Variants in PCDHA13 observed in about 807,000 individuals in gnomAD.
PCDHA13 encodes protocadherin alpha 13.
In PCDHA13, 54 loss-of-function variants were observed where a neutral mutation model predicts 64.8. The ratio of observed to expected loss-of-function variants is 0.83; its 90% CI spans 0.67 to 1.04. The LOEUF is 1.04. PCDHA13 is among the 50% of genes least tolerant of loss of function. The pLI, the probability that PCDHA13 is intolerant of heterozygous loss-of-function variation, is 0.00. For synonymous variants in PCDHA13, 587 were observed against 564.4 expected (o/e 1.04, Z -0.57); for missense variants, 1,248 against 1,254.3 (o/e 0.99, Z 0.08).
chr5:140,933,377 C>A lies in PCDHA13; in HGVS notation c.2395-45572C>A, dbSNP rs910236493. Among the ~76,000 whole-genome samples the A allele has an allele frequency of 3.9e-5, 6 of 151,980 alleles. No homozygotes were observed. In the South Asian group the frequency reaches 1.2e-3, roughly 31 times the overall value. On this transcript the variant is annotated intron_variant, in intron 1 of 3. Transcript: ENST00000289272. ...TTCTAACCCATCCCAAATTCCTTGG[C>A]TGTTCCTAGAGCCATCTGGTTACCA...
chr5:140,968,295 A>G lies in PCDHA13; in HGVS notation c.2395-10654A>G, dbSNP rs782722853. 4 of 1,613,916 alleles carry G rather than the reference A, an allele frequency of 2.5e-6. No homozygotes were observed. The Admixed American group carries it at 5.0e-5, about 20-fold the overall frequency. ...GCAGAGGTGACCTACTCCCTTCTGG[A>G]GAGGGAGATTCAAGGGCTGCCAGTC... On this transcript the variant is annotated intron_variant, in intron 1 of 3. Coordinates refer to ENST00000289272, the MANE Select transcript of PCDHA13 (RefSeq NM_018904.3).
intron 1 of PCDHA13, among the ~76,000 whole-genome samples, chr5:140,910,519 G>T (rs187918127): frequency 4.6e-5 from 7 of 152,218 alleles, no homozygotes; most frequent in African/African-American, 4.8e-5. Flanking sequence ...AAGGATGCAG[G>T]TACTCCCCTC....
intron 1 of PCDHA13, among the ~76,000 whole-genome samples, chr5:140,977,234 A>G (rs2096751203): frequency 1.3e-5 from 2 of 152,242 alleles, no homozygotes; most frequent in Non-Finnish European, 2.9e-5. Flanking sequence ...CCAATCATAG[A>G]AAAATTGGCA....
intron 1 of PCDHA13, among the ~76,000 whole-genome samples, chr5:140,949,849 G>A (rs1381006146): frequency 5.9e-5 from 9 of 151,472 alleles, no homozygotes; most frequent in Admixed American, 2.0e-4. Flanking sequence ...TTCTGTTTCC[G>A]CTTATCTGTT....
chr5:140,882,286 A>G lies in PCDHA13; in HGVS notation c.18A>G (p.Gln6=), dbSNP rs13357748. The G allele has an allele frequency of 8.5e-4, 1,378 of 1,613,102 alleles. 12 individuals are homozygous for G. In the African/African-American group the frequency reaches 0.015, roughly 17 times the overall value. MLSSW[Q]GGPRPRQLLL... Reference sequence around the variant, plus strand: ...AGTGTACCATGCTGTCTTCCTGGCAAGGAGGCCCAAGACCGCGGCAACTAC... The same window carrying G: ...AGTGTACCATGCTGTCTTCCTGGCAGGGAGGCCCAAGACCGCGGCAACTAC... Residue 6 remains glutamine (Q), a synonymous_variant, in exon 1 of 4, where the codon CAA becomes CAG. Transcript: ENST00000289272.
intron 1 of PCDHA13, among the ~76,000 whole-genome samples, chr5:140,941,246 T>C (rs1332165821): frequency 7.1e-6 from 1 of 141,078 alleles, no homozygotes; most frequent in East Asian, 2.0e-4. Flanking sequence ...TTTCTTTCTT[T>C]CTTTCTTTCT....
At chr5:140,943,356 A>G (rs965090658) in intron 1 of PCDHA13, among the ~76,000 whole-genome samples, 2 of 152,014 alleles carry the variant, frequency 1.3e-5, no homozygotes, top group Non-Finnish European at 2.9e-5. Flanking sequence ...GAGTAGAGGA[A>G]AGGAGATCAT....
intron 1 of PCDHA13, among the ~76,000 whole-genome samples, chr5:140,964,199 A>G (rs1183847716): frequency 1.3e-5 from 2 of 152,240 alleles, no homozygotes; most frequent in Non-Finnish European, 2.9e-5. Flanking sequence ...AGAGTATACC[A>G]TCTCTTTAGT....
At chr5:141,000,095 T>G (rs1299354306) in intron 3 of PCDHA13, among the ~76,000 whole-genome samples, 1 of 152,044 alleles carries the variant, frequency 6.6e-6, no homozygotes, top group Non-Finnish European at 1.5e-5. Flanking sequence ...TGAATGGAGC[T>G]CAACTCCGTC....
chr5:140,915,634 CT>C (rs782528552), intron 1 of PCDHA13, among the ~76,000 whole-genome samples: 9 of 150,114 alleles, frequency 6.0e-5, no homozygotes, highest in Non-Finnish European at 1.3e-4. Context: ...CTGTCTCTCT[CT>C]CTCTCTCTCT....
chr5:140,899,550 A>C (rs932403675), intron 1 of PCDHA13, among the ~76,000 whole-genome samples: 1 of 152,176 alleles, frequency 6.6e-6, no homozygotes, highest in Admixed American at 6.5e-5. Flanking sequence ...ATGGTGGATA[A>C]GCTTTTTGAT....
At chr5:140,925,072 G>A (rs921580794) in intron 1 of PCDHA13, among the ~76,000 whole-genome samples, 10 of 149,184 alleles carry the variant, frequency 6.7e-5, no homozygotes, top group Admixed American at 2.0e-4. Flanking sequence ...AAAGCAACAC[G>A]CTCATCTGGA....
chr5:140,937,606 TACTC>T (rs1186588675), intron 1 of PCDHA13, among the ~76,000 whole-genome samples: 2 of 123,664 alleles, frequency 1.6e-5, no homozygotes, highest in Non-Finnish European at 3.5e-5. Context: ...AACAGAGTGA[TACTC>T]CATCTAAAAA....
At chr5:140,937,982 A>G (rs1227498616) in intron 1 of PCDHA13, among the ~76,000 whole-genome samples, 1 of 151,926 alleles carries the variant, frequency 6.6e-6, no homozygotes, top group Non-Finnish European at 1.5e-5. Flanking sequence ...TACTGATTTT[A>G]TGTTAACTTT....
At chr5:141,007,422 G>A (rs190866782) in intron 3 of PCDHA13, among the ~76,000 whole-genome samples, 22 of 143,640 alleles carry the variant, frequency 1.5e-4, no homozygotes, top group African/African-American at 4.9e-4. Context: ...AAAAAAATTA[G>A]CCAGGCATGG....
chr5:140,984,056 G>T (rs569184437), intron 3 of PCDHA13, among the ~76,000 whole-genome samples: 1 of 152,200 alleles, frequency 6.6e-6, no homozygotes, highest in Non-Finnish European at 1.5e-5. Context: ...TGACAAATCT[G>T]TACCCTCAGT....
chr5:140,986,792 A>C (rs575794573), intron 3 of PCDHA13, among the ~76,000 whole-genome samples: 1 of 152,220 alleles, frequency 6.6e-6, no homozygotes, highest in Non-Finnish European at 1.5e-5. Context: ...CCACTAAGGC[A>C]GTGAGTCTTA....
chr5:140,992,363 G>T (rs1028043863), intron 3 of PCDHA13, among the ~76,000 whole-genome samples: 2 of 152,136 alleles, frequency 1.3e-5, no homozygotes, highest in Non-Finnish European at 2.9e-5. Context: ...GAGAAAAATG[G>T]TTCCCATTAC....
chr5:140,914,755 T>G (rs1175753765), intron 1 of PCDHA13, among the ~76,000 whole-genome samples: 1 of 152,270 alleles, frequency 6.6e-6, no homozygotes, highest in East Asian at 1.9e-4. Flanking sequence ...CCATTTGAGG[T>G]TACATGAGGT....
Sources: gnomAD v4.1 joint callset for allele counts (sites outside exome capture counted in the v4.1 genomes callset) on GRCh38, gnomAD v4.1.1 for gene constraint, MANE v1.5 for transcripts, NCBI Gene and HGNC (gene_info 2026-07-23, HGNC 2026-07-21) for gene names.